Variants in EEA1 observed in about 807,000 individuals in gnomAD.
The protein encoded by EEA1 is early endosome antigen 1, 162kD.
In EEA1, 111 loss-of-function variants were observed where a neutral mutation model predicts 209.2. The ratio of observed to expected loss-of-function variants is 0.53; its 90% CI spans 0.45 to 0.62. EEA1 has a LOEUF of 0.62. Among genes scored for constraint, EEA1 ranks in the 20% least tolerant of loss-of-function variants. The probability of loss-of-function intolerance (pLI) is 0.00; values close to 1 mark genes in which losing one functional copy is unlikely to be tolerated. For missense variants in EEA1, 1,343 were observed against 1,530.8 expected, an observed-to-expected ratio of 0.88 and a Z score of 2.05; for synonymous variants, 536 against 540.6, an observed-to-expected ratio of 0.99 and a Z score of 0.12.
At chr12:92,848,400 T>A (rs990274939) in intron 9 of EEA1, among the ~76,000 whole-genome samples, 1 of 152,068 alleles carries the variant, frequency 6.6e-6, no homozygotes, top group Non-Finnish European at 1.5e-5. Flanking sequence ...GGCAGAAGGA[T>A]CTGCTTGAGG....
Position 92,816,420 on chromosome 12 carries a change from A to G in EEA1, c.1729-20T>C. 2 of 1,604,056 alleles carry G rather than the reference A, an allele frequency of 1.2e-6. 1 individual carries two copies. The highest frequency in any genetic ancestry group is 2.2e-5 in the South Asian group (2 of 89,452). ...AGTTACCTGTTATACAAGTAAGACTAATCGTGAAGTTCACAAATGACATAA... is the reference window on the plus strand; with the variant it reads ...AGTTACCTGTTATACAAGTAAGACTGATCGTGAAGTTCACAAATGACATAA... On this transcript the variant is annotated intron_variant, in intron 14 of 28. Coordinates refer to ENST00000322349, the MANE Select transcript of EEA1 (RefSeq NM_003566.4).
chr12:92,809,609 G>T (rs1189007776), intron 17 of EEA1, among the ~76,000 whole-genome samples: 1 of 150,852 alleles, frequency 6.6e-6, no homozygotes, highest in Admixed American at 6.6e-5. Flanking sequence ...GCAGGAGAAC[G>T]GCTTGAACCT....
intron 25 of EEA1, 111 bp from the exon 26 acceptor site, chr12:92,778,290 G>C: frequency 3.9e-6 from 3 of 771,790 alleles, no homozygotes; most frequent in Non-Finnish European, 4.2e-6. Flanking sequence ...GGGAATGGAG[G>C]CAGGAGAACA....
chr12:92,849,925 C>G (rs1207093528), intron 9 of EEA1, among the ~76,000 whole-genome samples: 1 of 152,118 alleles, frequency 6.6e-6, no homozygotes, highest in African/African-American at 2.4e-5. Context: ...CTACAAATAA[C>G]AGTAGTCATA....
intron 1 of EEA1, among the ~76,000 whole-genome samples, chr12:92,916,973 C>A (rs903739003): frequency 6.6e-6 from 1 of 151,516 alleles, no homozygotes; most frequent in African/African-American, 2.4e-5. Flanking sequence ...CCGACGCGAT[C>A]AACTGGAAGA....
rs369535597 is a variant in EEA1, at chr12:92,776,085, T to G, written c.4162A>C (p.Lys1388Gln). The change falls in exon 29 of 29, where the codon AAA becomes CAA. Residue 1388 changes from lysine to glutamine, a missense_variant. This residue lies in a region of EEA1 where 28 missense variants were observed against 37.7 expected (regional missense o/e 0.74). Transcript: ENST00000322349. ...TTGGAGGAAGGAGTTAAGGCATTTT[T>G]GGCTGAACATTCAGCACAGAAGATA... ...GNIFCAECSA[K>Q]NALTPSSKKP... 9.3e-5 allele frequency: 150 copies of G among 1,611,398 alleles called. No individual in the cohort carries two copies. The highest frequency in any genetic ancestry group is 1.3e-4 in the Non-Finnish European group (148 of 1,178,388).
intron 9 of EEA1, among the ~76,000 whole-genome samples, chr12:92,847,593 G>A (rs762212582): frequency 2.0e-5 from 3 of 151,872 alleles, no homozygotes; most frequent in Non-Finnish European, 2.9e-5. Flanking sequence ...CACACAATAT[G>A]GCAAAATTAG....
At chr12:92,912,673 T>C (rs1880621077) in intron 1 of EEA1, among the ~76,000 whole-genome samples, 1 of 152,176 alleles carries the variant, frequency 6.6e-6, no homozygotes, top group African/African-American at 2.4e-5. Flanking sequence ...ATAATGTCAC[T>C]GTACAGAATA....
intron 9 of EEA1, among the ~76,000 whole-genome samples, chr12:92,848,722 C>CTT (rs71069184): frequency 0.011 from 690 of 64,596 alleles, 83 homozygotes; most frequent in African/African-American, 0.013. Context: ...ATATTCTCAC[C>CTT]TTTTTTTTTT....
chr12:92,863,710 A>G (rs994060150), intron 3 of EEA1, among the ~76,000 whole-genome samples: 3 of 152,244 alleles, frequency 2.0e-5, no homozygotes, highest in African/African-American at 7.2e-5. Flanking sequence ...AACAGAGGTC[A>G]AGCAAAATAA....
At chr12:92,832,902 C>G (rs1274252680) in intron 10 of EEA1, 52 bp from the exon 11 acceptor site, 3 of 1,314,806 alleles carry the variant, frequency 2.3e-6, no homozygotes, top group Non-Finnish European at 3.1e-6. Flanking sequence ...TTTAATTACT[C>G]CAATTACTCA....
intron 22 of EEA1, among the ~76,000 whole-genome samples, chr12:92,786,144 A>T (rs1429695341): frequency 1.3e-5 from 2 of 152,044 alleles, no homozygotes; most frequent in Non-Finnish European, 2.9e-5. Context: ...CATCCTTGCT[A>T]TTACCAGCCC....
chr12:92,903,059 C>A (rs1880218885), intron 1 of EEA1, among the ~76,000 whole-genome samples: 1 of 151,392 alleles, frequency 6.6e-6, no homozygotes. Flanking sequence ...CTCAGCCTCC[C>A]AAGTAGCTGG....
chr12:92,881,311 TCG>T (rs2136742783), intron 2 of EEA1, among the ~76,000 whole-genome samples: 1 of 151,870 alleles, frequency 6.6e-6, no homozygotes, highest in East Asian at 1.9e-4. Context: ...CCTACTCTAC[TCG>T]GGAGGCAGTG....
At chr12:92,908,030 G>A (rs1293932230) in intron 1 of EEA1, among the ~76,000 whole-genome samples, 3 of 152,120 alleles carry the variant, frequency 2.0e-5, no homozygotes, top group African/African-American at 7.2e-5. Context: ...GCACACCAAT[G>A]TTCATAGCAG....
chr12:92,878,103 A>T (rs1039393863), intron 2 of EEA1, among the ~76,000 whole-genome samples: 1 of 152,158 alleles, frequency 6.6e-6, no homozygotes, highest in Non-Finnish European at 1.5e-5. Flanking sequence ...CAGCAGAAAC[A>T]GAAAGAAGAA....
At chr12:92,833,188 A>C (rs986713152) in intron 10 of EEA1, among the ~76,000 whole-genome samples, 6 of 152,132 alleles carry the variant, frequency 3.9e-5, no homozygotes, top group African/African-American at 1.4e-4. Context: ...TCTACCAACA[A>C]ATTATTTTGA....
chr12:92,834,347 C>A (rs1402513759), intron 10 of EEA1, among the ~76,000 whole-genome samples: 5 of 151,768 alleles, frequency 3.3e-5, no homozygotes, highest in Non-Finnish European at 7.4e-5. Flanking sequence ...AGTTAAAGAC[C>A]AGCCTGGGCA....
chr12:92,802,919 T>C (rs1243469462), intron 18 of EEA1, among the ~76,000 whole-genome samples, 185 bp from the exon 19 acceptor site: 2 of 152,056 alleles, frequency 1.3e-5, no homozygotes, highest in African/African-American at 2.4e-5. Flanking sequence ...ATTTGATCAT[T>C]TAACAGATGT....
Sources: gnomAD v4.1 joint callset for allele counts (sites outside exome capture counted in the v4.1 genomes callset) on GRCh38, gnomAD v4.1.1 for gene constraint, gnomAD v4.1.1 regional missense constraint, MANE v1.5 for transcripts, NCBI Gene and HGNC (gene_info 2026-07-23, HGNC 2026-07-21) for gene names.